IGF2R: variants seen among roughly 807,000 people sequenced by gnomAD.
IGF2R encodes insulin like growth factor 2 receptor, also known as cation-independent mannose-6-phosphate receptor.
Under a neutral mutation model 270.6 loss-of-function variants are expected in IGF2R, and 91 were observed. That is an observed-to-expected ratio of 0.34 (90% confidence interval 0.28 to 0.40). IGF2R has a LOEUF of 0.40. Ranked by LOEUF, IGF2R falls within the 10% of genes least tolerant of loss-of-function variation. IGF2R has a pLI of 1.00. For missense variants in IGF2R, 2,805 were observed against 3,188.3 expected (o/e 0.88, Z 2.90); for synonymous variants, 1,316 against 1,258.9 (o/e 1.05, Z -0.96).
chr6:160,000,901 T>G (rs960080273), intron 2 of IGF2R, among the ~76,000 whole-genome samples: 7 of 151,782 alleles, frequency 4.6e-5, no homozygotes, highest in African/African-American at 1.7e-4. Flanking sequence ...CCGGCTAATT[T>G]TTTTTTTGTA....
chr6:160,021,251 A>G (rs1170420695), intron 4 of IGF2R, among the ~76,000 whole-genome samples: 1 of 152,090 alleles, frequency 6.6e-6, no homozygotes, highest in Admixed American at 6.6e-5. Context: ...ACCACATGGA[A>G]TACTATGCAG....
intron 5 of IGF2R, 55 bp from the exon 6 acceptor site, chr6:160,027,130 G>C: frequency 6.3e-7 from 1 of 1,595,926 alleles, no homozygotes; most frequent in African/African-American, 1.3e-5. Flanking sequence ...CTAAGGGTAC[G>C]TGTGATTATC....
At chr6:160,010,515 T>A (rs183033735) in intron 3 of IGF2R, 172 bp from the exon 4 acceptor site, 1 of 518,378 alleles carries the variant, frequency 1.9e-6, no homozygotes, top group African/African-American at 1.9e-5. Flanking sequence ...GTCTCAGAAT[T>A]TGCAGATTTG....
rs543967314 is a variant in IGF2R, at chr6:160,009,035, C to T, written c.315C>T (p.Thr105=). The T allele has an allele frequency of 1.2e-5, 19 of 1,613,896 alleles. No homozygotes were observed. In the South Asian group the frequency reaches 1.9e-4, roughly 16 times the overall value. The change falls in exon 3 of 48, where the codon ACC becomes ACT. Residue 105 remains threonine (T), a synonymous_variant. Transcript: ENST00000356956. ...GTGACTCTGTTTTGAGAAGTGCAAC[C>T]AGATCTCTCCTGGAATTCAACACAA... ...SVGDSVLRSA[T]RSLLEFNTTV...
chr6:160,097,824 C>T (rs1037823720), intron 45 of IGF2R, among the ~76,000 whole-genome samples: 1 of 152,168 alleles, frequency 6.6e-6, no homozygotes, highest in African/African-American at 2.4e-5. Context: ...TCCCCCTGCC[C>T]ACCCTTAACA....
rs1779648683 is a variant in IGF2R, at chr6:160,107,588, A to C, written c.*2504A>C. The C allele has an allele frequency of 6.6e-6, 1 of 152,176 alleles. No homozygotes were observed. Among genetic ancestry groups the C allele is most frequent in the Non-Finnish European group, 1.5e-5 (1 of 68,040 alleles). 9.4% of individuals were successfully genotyped at this position (152,176 alleles called of 1,614,324 possible). A position where few individuals can be genotyped will look rare whatever the true frequency, so the allele number is the denominator to read the frequency against. On this transcript the variant is annotated 3_prime_UTR_variant, in exon 48 of 48. Transcript: ENST00000356956. ...CAACCTGGGTATTTAGCTTCCTTTC[A>C]ACAAAATTTTTTGTGCCCCTTTCTT...
intron 12 of IGF2R, 135 bp from the exon 13 acceptor site, chr6:160,044,379 A>G: frequency 1.3e-6 from 1 of 786,646 alleles, no homozygotes; most frequent in Non-Finnish European, 2.1e-6. Flanking sequence ...GGGCTGGAGA[A>G]GGGCTGCACG....
chr6:160,098,857 A>C (rs1037886561), intron 45 of IGF2R, among the ~76,000 whole-genome samples: 1 of 152,148 alleles, frequency 6.6e-6, no homozygotes, highest in African/African-American at 2.4e-5. Flanking sequence ...ACAGGTAGCA[A>C]TGTTCGCCCT....
chr6:159,992,725 A>G, intron 2 of IGF2R, among the ~76,000 whole-genome samples: 1 of 152,212 alleles, frequency 6.6e-6, no homozygotes. Context: ...TGTGATAAAC[A>G]TATGAGTGCA....
At chr6:159,991,555 G>T (rs918285924) in intron 2 of IGF2R, among the ~76,000 whole-genome samples, 3 of 152,228 alleles carry the variant, frequency 2.0e-5, no homozygotes, top group African/African-American at 7.2e-5. Flanking sequence ...TATACAGACA[G>T]CTGTTATGAA....
chr6:160,068,348 C>T lies in IGF2R; in HGVS notation c.4215C>T (p.Ile1405=), dbSNP rs1778636885. 1 of 1,614,262 alleles carries T rather than the reference C, an allele frequency of 6.2e-7. No individual in the cohort carries two copies. The highest frequency in any genetic ancestry group is 8.5e-7 in the Non-Finnish European group (1 of 1,180,054). The stretch of plus-strand genomic sequence containing the variant: ...CGGGGGACCCGGAGCACTACCTCAT[C>T]AATGTCTGCAAGTCTCTGGCCCCGC... ...TGTGDPEHYL[I]NVCKSLAPQA... is the part of the protein sequence containing the mutation. The change falls in exon 30 of 48, where the codon ATC becomes ATT. Residue 1405 remains isoleucine (I), a synonymous_variant. Transcript: ENST00000356956.
At chr6:160,079,358 A>C (rs2115281513) in intron 37 of IGF2R, among the ~76,000 whole-genome samples, 1 of 152,312 alleles carries the variant, frequency 6.6e-6, no homozygotes, top group South Asian at 2.1e-4. Context: ...CGAGGCCCCC[A>C]GCAGGGAGCA....
chr6:160,055,877 T>C (rs186645545), intron 19 of IGF2R, among the ~76,000 whole-genome samples: 46 of 152,276 alleles, frequency 3.0e-4, no homozygotes, highest in Non-Finnish European at 5.6e-4. Context: ...GAGCTTTTTA[T>C]GGAAACATAC....
In IGF2R at chr6:160,107,544, T is replaced by A. The variant is rs1779647882; in HGVS notation, c.*2460T>A. 1 of 152,240 alleles carries A rather than the reference T, an allele frequency of 6.6e-6. No individual in the cohort carries two copies. The highest frequency in any genetic ancestry group is 6.5e-5 in the Admixed American group (1 of 15,290). 9.4% of individuals were successfully genotyped at this position (152,240 alleles called of 1,614,324 possible). On this transcript the variant is annotated 3_prime_UTR_variant, in exon 48 of 48. Transcript: ENST00000356956. ...AGAATTGGACTCTTTTTCAGAGAAA[T>A]GATTTTATTGATGGAGTACAACCTG...
At position 160,071,916 on chromosome 6, in the gene IGF2R, A is replaced by G; in HGVS notation, c.4450A>G (p.Arg1484Gly). Residue 1484 changes from arginine to glycine, a missense_variant, in exon 32 of 48, where the codon AGG (arginine) becomes GGG (glycine). This residue lies in a region of IGF2R where 1,851 missense variants were observed against 2,207.2 expected (regional missense o/e 0.84). Coordinates refer to ENST00000356956, the MANE Select transcript of IGF2R (RefSeq NM_000876.4). ...TGTCTGTGCTTTGTTGTAGAACTCC[A>G]GGCCCATGTTCATCAGCGCCGTGGA... Reference protein sequence around the residue: ...FTCSESQVNSRPMFISAVEDC... With the variant: ...FTCSESQVNSGPMFISAVEDC... 6.2e-7 allele frequency: 1 copy of G among 1,614,182 alleles called. No homozygotes were observed. Among genetic ancestry groups the G allele is most frequent in the African/African-American group, 1.3e-5 (1 of 75,058 alleles).
chr6:159,969,405 C>T lies in IGF2R; in HGVS notation c.149+10C>T, dbSNP rs1243804602. On this transcript the variant is annotated intron_variant, in intron 1 of 47. Coordinates refer to ENST00000356956, the MANE Select transcript of IGF2R (RefSeq NM_000876.4). ...TCCCCGAGCTGTGCAGGTGGGTGGC[C>T]CGCCCGGACGCAGGCTCCGCTCGCG... The T allele has an allele frequency of 2.5e-6, 3 of 1,220,194 alleles. No individual in the cohort carries two copies. The highest frequency in any genetic ancestry group is 3.1e-6 in the Non-Finnish European group (3 of 979,220). The allele number at this position is 1,220,194 out of a possible 1,614,324, so 75.6% of individuals were successfully genotyped here.
At chr6:160,018,380 A>G (rs1777352438) in intron 4 of IGF2R, among the ~76,000 whole-genome samples, 1 of 152,194 alleles carries the variant, frequency 6.6e-6, no homozygotes, top group South Asian at 2.1e-4. Flanking sequence ...GACTTCAGAA[A>G]AGAAATGGAC....
At chr6:160,093,533 G>C (rs1288497315) in intron 44 of IGF2R, 1 of 611,588 alleles carries the variant, frequency 1.6e-6, no homozygotes, top group Non-Finnish European at 3.1e-6. Context: ...TCAGCAACCT[G>C]GACAAAGGAG....
intron 14 of IGF2R, 36 bp downstream of exon 14, chr6:160,045,918 C>T (rs1430746879): frequency 1.3e-6 from 2 of 1,484,412 alleles, no homozygotes; most frequent in Non-Finnish European, 1.8e-6. Context: ...TTTAATGTGA[C>T]TTGGAACCAC....
Sources: allele counts gnomAD v4.1 joint callset (sites outside exome capture counted in the v4.1 genomes callset), GRCh38; gene constraint gnomAD v4.1.1; regional missense constraint gnomAD v4.1.1; transcripts MANE v1.5; gene names NCBI Gene and HGNC (gene_info 2026-07-23, HGNC 2026-07-21).